TNFSF4: variants seen among roughly 807,000 people sequenced by gnomAD.
The protein encoded by TNFSF4 is tumor necrosis factor ligand superfamily member 4.
A neutral mutation model predicts 7.3 loss-of-function variants in TNFSF4; 4 were observed. The observed-to-expected ratio is 0.55, with a 90% CI of 0.27 to 1.25. The LOEUF (loss-of-function observed/expected upper bound fraction) is 1.25. TNFSF4 is among the 50% of genes most tolerant of loss of function. The pLI, the probability that TNFSF4 is intolerant of heterozygous loss-of-function variation, is 0.12. For missense variants in TNFSF4, 181 were observed against 208.8 expected (o/e 0.87, Z 0.82); for synonymous variants, 76 against 83.7 (o/e 0.91, Z 0.50).
the TNFSF4 span, among the ~76,000 whole-genome samples, chr1:173,380,503 T>C: frequency 5.9e-3 from 905 of 152,244 alleles, 10 homozygotes; most frequent in African/African-American, 0.018. Flanking sequence ...TTGAGATGAC[T>C]TGTCCGCTTC....
the TNFSF4 span, among the ~76,000 whole-genome samples, chr1:173,397,810 G>T: frequency 1.3e-5 from 2 of 151,670 alleles, no homozygotes; most frequent in Admixed American, 1.3e-4. Context: ...AGGAATTGCA[G>T]AGATTTGCAC....
the TNFSF4 span, among the ~76,000 whole-genome samples, chr1:173,297,200 AG>A: frequency 6.6e-6 from 1 of 151,958 alleles, no homozygotes; most frequent in Non-Finnish European, 1.5e-5. Context: ...GAGACAGGGC[AG>A]ACTTCCATGA....
the TNFSF4 span, chr1:173,362,874 T>C: frequency 2.1e-6 from 1 of 475,148 alleles, no homozygotes; most frequent in Non-Finnish European, 4.2e-6. Flanking sequence ...ACTTGTGGAC[T>C]TCCCAGCTAC....
the TNFSF4 span, among the ~76,000 whole-genome samples, chr1:173,365,819 G>C: frequency 6.6e-6 from 1 of 152,128 alleles, no homozygotes; most frequent in African/African-American, 2.4e-5. Flanking sequence ...TCTGCATGAT[G>C]TTTCATATGG....
chr1:173,243,010 G>C, the TNFSF4 span, among the ~76,000 whole-genome samples: 17 of 116,622 alleles, frequency 1.5e-4, 4 homozygotes, highest in South Asian at 1.1e-3. Flanking sequence ...TGGGTGGGGG[G>C]GGGGGGGGAG....
the TNFSF4 span, among the ~76,000 whole-genome samples, chr1:173,379,206 G>A: frequency 1.3e-5 from 2 of 152,082 alleles, no homozygotes; most frequent in Non-Finnish European, 2.9e-5. Context: ...CCAAAGAAAG[G>A]GACAAATTCC....
chr1:173,221,798 T>C, the TNFSF4 span, among the ~76,000 whole-genome samples: 143 of 152,314 alleles, frequency 9.4e-4, no homozygotes, highest in Admixed American at 2.6e-3. Flanking sequence ...GGCTAACTCA[T>C]TTTATGTGAT....
chr1:173,373,967 T>C, the TNFSF4 span, among the ~76,000 whole-genome samples: 1 of 152,116 alleles, frequency 6.6e-6, no homozygotes, highest in Non-Finnish European at 1.5e-5. Context: ...GGATACAATA[T>C]CACCTTCACT....
At chr1:173,245,818 G>C in the TNFSF4 span, among the ~76,000 whole-genome samples, 3 of 151,938 alleles carry the variant, frequency 2.0e-5, no homozygotes, top group Admixed American at 1.3e-4. Flanking sequence ...TTTAGATTCC[G>C]CATATGAGTG....
the TNFSF4 span, among the ~76,000 whole-genome samples, chr1:173,278,464 G>A: frequency 1.1e-4 from 17 of 152,004 alleles, no homozygotes; most frequent in Admixed American, 3.3e-4. Context: ...AATATTTGTC[G>A]TTGTCTCTAT....
At chr1:173,431,135 TTTG>T in the TNFSF4 span, among the ~76,000 whole-genome samples, 1 of 152,242 alleles carries the variant, frequency 6.6e-6, no homozygotes, top group African/African-American at 2.4e-5. Flanking sequence ...AAATTAATAT[TTTG>T]TTGTTGTAGA....
At chr1:173,380,609 G>C in the TNFSF4 span, among the ~76,000 whole-genome samples, 2 of 152,012 alleles carry the variant, frequency 1.3e-5, no homozygotes, top group African/African-American at 4.8e-5. Context: ...TTCACCCCTG[G>C]GACACCCTGC....
the TNFSF4 span, among the ~76,000 whole-genome samples, chr1:173,334,808 A>T: frequency 2.0e-5 from 3 of 152,128 alleles, no homozygotes; most frequent in African/African-American, 7.2e-5. Context: ...CTTTCAAGAA[A>T]TGCTGGCTCC....
chr1:173,326,159 T>C, the TNFSF4 span, among the ~76,000 whole-genome samples: 2 of 152,166 alleles, frequency 1.3e-5, no homozygotes, highest in South Asian at 2.1e-4. Context: ...ATCAAAAAGC[T>C]TATCCACCAT....
chr1:173,254,376 A>T, the TNFSF4 span, among the ~76,000 whole-genome samples: 1 of 152,328 alleles, frequency 6.6e-6, no homozygotes, highest in East Asian at 1.9e-4. Context: ...CTGATTATTA[A>T]TATCAGGCTG....
rs1326160241 is a variant in TNFSF4 at position 173,184,807 on chromosome 1, A to C, written c.*1709T>G. On this transcript the variant is annotated 3_prime_UTR_variant, in exon 3 of 3. Coordinates refer to ENST00000281834, the MANE Select transcript of TNFSF4 (RefSeq NM_003326.5). ...ATGATTCTTGTAAATGTAAGTATTT[A>C]GCCCAGTGCCTGGTCCACAGTAGGC... is the stretch of plus-strand genomic sequence containing the variant. 1.3e-5 allele frequency: 2 copies of C among 152,226 alleles called. No homozygotes were observed. The highest frequency in any genetic ancestry group is 4.8e-5 in the African/African-American group (2 of 41,450). The allele number at this position is 152,226 out of a possible 1,614,324, so 9.4% of individuals were successfully genotyped here.
chr1:173,218,333 T>G, the TNFSF4 span, among the ~76,000 whole-genome samples: 1 of 152,172 alleles, frequency 6.6e-6, no homozygotes, highest in Non-Finnish European at 1.5e-5. Flanking sequence ...TGCTTGTTCC[T>G]ATGTGCTGTG....
At chr1:173,288,155 A>G in the TNFSF4 span, among the ~76,000 whole-genome samples, 1 of 152,214 alleles carries the variant, frequency 6.6e-6, no homozygotes, top group Non-Finnish European at 1.5e-5. Context: ...ATCTCTCATC[A>G]ATAAATAGCC....
the TNFSF4 span, among the ~76,000 whole-genome samples, chr1:173,310,745 G>A: frequency 6.6e-6 from 1 of 151,106 alleles, no homozygotes; most frequent in African/African-American, 2.4e-5. Flanking sequence ...TGAAGACTGT[G>A]GATTTCTCTA....
Sources: gnomAD v4.1 joint callset for allele counts (sites outside exome capture counted in the v4.1 genomes callset) on GRCh38, gnomAD v4.1.1 for gene constraint, MANE v1.5 for transcripts, NCBI Gene and HGNC (gene_info 2026-07-23, HGNC 2026-07-21) for gene names.